PRKACB: variants seen among roughly 807,000 people sequenced by gnomAD.
PRKACB encodes protein kinase cAMP-activated catalytic subunit beta.
In PRKACB, 16 loss-of-function variants were observed where a neutral mutation model predicts 51.4. That is an observed-to-expected ratio of 0.31 (90% CI 0.21 to 0.47). PRKACB has a LOEUF of 0.47. PRKACB is among the 20% of genes least tolerant of loss of function. PRKACB has a pLI of 1.00. For missense variants in PRKACB, 309 were observed against 464.5 expected, an observed-to-expected ratio of 0.67 and a Z score of 3.08; for synonymous variants, 147 against 154.4, an observed-to-expected ratio of 0.95 and a Z score of 0.35.
chr1:84,157,189 A>G (rs1199252507), intron 1 of PRKACB: 1 of 152,078 alleles, frequency 6.6e-6, no homozygotes, highest in Admixed American at 6.6e-5. Flanking sequence ...TACTTTAATT[A>G]TCTCTGTTTA....
intron 7 of PRKACB, among the ~76,000 whole-genome samples, chr1:84,199,769 A>G (rs1294262806): frequency 6.6e-6 from 1 of 152,150 alleles, no homozygotes; most frequent in Non-Finnish European, 1.5e-5. Context: ...ACTCCTACCA[A>G]CAGTGTCTAA....
intron 1 of PRKACB, among the ~76,000 whole-genome samples, chr1:84,101,096 A>C (rs1382427129): frequency 6.6e-6 from 1 of 152,226 alleles, no homozygotes; most frequent in Non-Finnish European, 1.5e-5. Context: ...AACCAGTAGG[A>C]TATATCGGAA....
intron 1 of PRKACB, among the ~76,000 whole-genome samples, chr1:84,163,968 T>C (rs867017524): frequency 1.3e-5 from 2 of 152,012 alleles, no homozygotes; most frequent in African/African-American, 4.8e-5. Flanking sequence ...TGCTATACAA[T>C]CTGTCATCTT....
intron 1 of PRKACB, among the ~76,000 whole-genome samples, chr1:84,177,833 G>A (rs1661855909): frequency 6.6e-6 from 1 of 151,950 alleles, no homozygotes; most frequent in Non-Finnish European, 1.5e-5. Flanking sequence ...TGGATGATTA[G>A]GTAAAATTCT....
At chr1:84,186,645 C>G (rs1665201923) in intron 5 of PRKACB, among the ~76,000 whole-genome samples, 1 of 152,074 alleles carries the variant, frequency 6.6e-6, no homozygotes, top group Admixed American at 6.6e-5. Flanking sequence ...CCCTTTTGAT[C>G]AAGATCTTTC....
chr1:84,144,311 T>C lies in PRKACB; in HGVS notation c.-51T>C. 6.3e-7 allele frequency: 1 copy of C among 1,588,478 alleles called. No individual in the cohort carries two copies. The highest frequency in any genetic ancestry group is 8.5e-7 in the Non-Finnish European group (1 of 1,171,714). Reference sequence around the variant, plus strand: ...AGCTTCTGTGTAAGAAGTTGTGAGCTCCTTCTGGAAACATTTGCAGTTACA... The same window carrying C: ...AGCTTCTGTGTAAGAAGTTGTGAGCCCCTTCTGGAAACATTTGCAGTTACA... On this transcript the variant is annotated 5_prime_UTR_variant, in exon 1 of 10. Coordinates refer to ENST00000370685, the MANE Select transcript of PRKACB (RefSeq NM_182948.4).
chr1:84,205,214 T>A, intron 8 of PRKACB: 2 of 984,788 alleles, frequency 2.0e-6, no homozygotes, highest in South Asian at 9.4e-5. Context: ...GAAAGTGGAA[T>A]TTTTGCCATT....
chr1:84,200,414 A>G (rs562414639), intron 7 of PRKACB, among the ~76,000 whole-genome samples: 13 of 151,956 alleles, frequency 8.6e-5, no homozygotes, highest in African/African-American at 3.1e-4. Flanking sequence ...GTTTGCAAAT[A>G]TTTTCTCCCA....
intron 1 of PRKACB, among the ~76,000 whole-genome samples, chr1:84,105,988 ATAAAG>A (rs1309460640): frequency 1.2e-4 from 11 of 93,896 alleles, no homozygotes; most frequent in South Asian, 3.4e-4. Flanking sequence ...ATAATAAAAA[ATAAAG>A]TAGAAATAAT....
intron 2 of PRKACB, among the ~76,000 whole-genome samples, chr1:84,181,412 T>G (rs1558147200): frequency 6.6e-6 from 1 of 152,088 alleles, no homozygotes; most frequent in Non-Finnish European, 1.5e-5. Context: ...ATTTTCATTT[T>G]GTTGTGGCAG....
intron 1 of PRKACB, among the ~76,000 whole-genome samples, chr1:84,158,043 A>G (rs1293712901): frequency 6.6e-6 from 1 of 151,216 alleles, no homozygotes; most frequent in Non-Finnish European, 1.5e-5. Context: ...TCACATGCTC[A>G]TCAATGCTTG....
chr1:84,189,230 G>A (rs1040231783), intron 5 of PRKACB, among the ~76,000 whole-genome samples: 1 of 151,774 alleles, frequency 6.6e-6, no homozygotes, highest in African/African-American at 2.4e-5. Context: ...CAGGGTTATT[G>A]AGTGTACACT....
chr1:84,138,691 C>G (rs2100580009), intron 1 of PRKACB, among the ~76,000 whole-genome samples: 1 of 152,262 alleles, frequency 6.6e-6, no homozygotes, highest in East Asian at 1.9e-4. Flanking sequence ...TGAAGCCAAT[C>G]TTAACCTGCT....
chr1:84,185,218 T>G (rs1664730640), intron 5 of PRKACB, 36 bp downstream of exon 5: 6 of 1,394,466 alleles, frequency 4.3e-6, no homozygotes, highest in African/African-American at 1.5e-5. Context: ...AATCTTTATA[T>G]GCTTGTGTTG....
At chr1:84,088,014 T>C (rs887901128) in intron 1 of PRKACB, among the ~76,000 whole-genome samples, 1 of 152,182 alleles carries the variant, frequency 6.6e-6, no homozygotes. Context: ...AAGTGGATTA[T>C]AGGACGTGTT....
chr1:84,142,703 G>A (rs900411070), upstream of PRKACB, among the ~76,000 whole-genome samples: 6 of 152,106 alleles, frequency 3.9e-5, no homozygotes, highest in African/African-American at 1.4e-4. Flanking sequence ...TATACATAAA[G>A]CTATAAATTT....
At chr1:84,164,519 T>C (rs1402848284) in intron 1 of PRKACB, 2 of 1,482,280 alleles carry the variant, frequency 1.3e-6, no homozygotes, top group South Asian at 2.5e-5. Flanking sequence ...TAATTTATAA[T>C]CATGTGGCTC....
intron 1 of PRKACB, among the ~76,000 whole-genome samples, chr1:84,106,631 C>G (rs1250712673): frequency 1.3e-5 from 2 of 152,106 alleles, no homozygotes; most frequent in Non-Finnish European, 2.9e-5. Flanking sequence ...AAGAGCACTC[C>G]ATGCTCTTAG....
Position 84,167,121 on chromosome 1 carries a change from T to A in PRKACB, c.188-12056T>A, listed in dbSNP as rs116709842. ...CAATATTCTCCAGTCTTACTGACACTGGGATGGCTTCTAGATCTCTTCTCA... is the reference window on the plus strand; with the variant it reads ...CAATATTCTCCAGTCTTACTGACACAGGGATGGCTTCTAGATCTCTTCTCA... On this transcript the variant is annotated intron_variant, in intron 1 of 9. Coordinates refer to ENST00000370685, the MANE Select transcript of PRKACB (RefSeq NM_182948.4). Among the ~76,000 whole-genome samples, 1,474 of 151,720 alleles carry A rather than the reference T, an allele frequency of 9.7e-3. 8 individuals are homozygous for A. Among genetic ancestry groups the A allele is most frequent in the Middle Eastern group, 0.02 (6 of 294 alleles).
Sources: gnomAD v4.1 joint callset for allele counts (sites outside exome capture counted in the v4.1 genomes callset) on GRCh38, gnomAD v4.1.1 for gene constraint, MANE v1.5 for transcripts, NCBI Gene and HGNC (gene_info 2026-07-23, HGNC 2026-07-21) for gene names.